The following NPHP4 variants were observed in gnomAD, a reference collection of about 807,000 sequenced individuals.
The protein encoded by NPHP4 is nephrocystin-4.
In NPHP4, 151 loss-of-function variants were observed where a neutral mutation model predicts 155.8. The ratio of observed to expected loss-of-function variants is 0.97; its 90% CI spans 0.85 to 1.11. NPHP4 has a LOEUF of 1.11. NPHP4 is among the 50% of genes least tolerant of loss of function. The pLI, the probability that NPHP4 is intolerant of heterozygous loss-of-function variation, is 0.00. For missense variants in NPHP4, 1,956 were observed against 1,925.7 expected (o/e 1.02, Z -0.29); for synonymous variants, 845 against 816.8 (o/e 1.03, Z -0.59).
At chr1:5,916,424 G>A (rs1181577457) in intron 11 of NPHP4, among the ~76,000 whole-genome samples, 1 of 152,192 alleles carries the variant, frequency 6.6e-6, no homozygotes, top group Non-Finnish European at 1.5e-5. Context: ...GTTTTGAGAG[G>A]CAATGTCTTC....
chr1:5,976,340 C>A (rs993954526), intron 3 of NPHP4, among the ~76,000 whole-genome samples: 1 of 152,150 alleles, frequency 6.6e-6, no homozygotes, highest in African/African-American at 2.4e-5. Flanking sequence ...TGCCTGGCCA[C>A]GGGAAGCGCC....
At chr1:5,900,185 C>T (rs781489074) in intron 16 of NPHP4, among the ~76,000 whole-genome samples, 17 of 152,212 alleles carry the variant, frequency 1.1e-4, no homozygotes, top group African/African-American at 3.1e-4. Context: ...ACTCTTACCA[C>T]GTGATCCAGC....
chr1:5,990,456 A>AAG, intron 1 of NPHP4, among the ~76,000 whole-genome samples: 1 of 152,242 alleles, frequency 6.6e-6, no homozygotes, highest in East Asian at 1.9e-4. Context: ...GGAAAAAAAA[A>AAG]AAGAAGAAGA....
At chr1:5,948,755 G>A (rs1471825968) in intron 7 of NPHP4, among the ~76,000 whole-genome samples, 2 of 152,134 alleles carry the variant, frequency 1.3e-5, no homozygotes, top group Admixed American at 6.5e-5. Flanking sequence ...TCTACCCAGA[G>A]ACCTGAGACT....
At chr1:5,884,256 G>A (rs550881855) in intron 18 of NPHP4, among the ~76,000 whole-genome samples, 11 of 152,162 alleles carry the variant, frequency 7.2e-5, no homozygotes, top group African/African-American at 1.7e-4. Context: ...ACCAAAGCCC[G>A]CCACCGCCAA....
rs1289753430 is a variant in NPHP4, at chr1:5,947,170, G to A, written c.1053C>T (p.His351=). 1 of 1,613,964 alleles carries A rather than the reference G, an allele frequency of 6.2e-7. No individual in the cohort carries two copies. The highest frequency in any genetic ancestry group is 8.5e-7 in the Non-Finnish European group (1 of 1,179,868). The change falls in exon 9 of 30, where the codon CAC becomes CAT. Residue 351 remains histidine, a synonymous_variant. Coordinates refer to ENST00000378156, the MANE Select transcript of NPHP4 (RefSeq NM_015102.5). ...SRLRLPEMVG[H]PAFAVIFQLE... Reference sequence around the variant, plus strand: ...GCTGGAAGATGACCGCAAATGCAGGGTGGCCGACCATCTCTGGGAGGCGGA... The same window carrying A: ...GCTGGAAGATGACCGCAAATGCAGGATGGCCGACCATCTCTGGGAGGCGGA...
intron 2 of NPHP4, among the ~76,000 whole-genome samples, chr1:5,980,258 A>T (rs1271075522): frequency 6.6e-6 from 1 of 152,122 alleles, no homozygotes; most frequent in African/African-American, 2.4e-5. Flanking sequence ...TCGTCTTGGG[A>T]GCCCTGAGTA....
chr1:5,988,704 T>C (rs537560406), intron 1 of NPHP4, among the ~76,000 whole-genome samples: 3 of 152,298 alleles, frequency 2.0e-5, no homozygotes, highest in African/African-American at 7.2e-5. Context: ...TCCCGGCATG[T>C]GTGGGAACCG....
At chr1:5,904,421 G>A (rs1364360285) in intron 16 of NPHP4, among the ~76,000 whole-genome samples, 196 bp downstream of exon 16, 4 of 152,172 alleles carry the variant, frequency 2.6e-5, no homozygotes, top group African/African-American at 9.7e-5. Context: ...AATAACCCTG[G>A]CTTGGGGGAG....
chr1:5,894,889 G>A (rs536859774), intron 16 of NPHP4, among the ~76,000 whole-genome samples: 18 of 152,250 alleles, frequency 1.2e-4, no homozygotes, highest in Middle Eastern at 3.4e-3. Flanking sequence ...TCATCTCCTC[G>A]CTCTTGTGGC....
chr1:5,925,764 C>A (rs1366685597), intron 11 of NPHP4, among the ~76,000 whole-genome samples: 1 of 152,090 alleles, frequency 6.6e-6, no homozygotes, highest in Non-Finnish European at 1.5e-5. Flanking sequence ...TACAGGCGCC[C>A]GCCACCACAT....
chr1:5,940,477 G>A (rs145872594), intron 9 of NPHP4, among the ~76,000 whole-genome samples: 4 of 152,116 alleles, frequency 2.6e-5, no homozygotes, highest in East Asian at 3.9e-4. Context: ...CAGGGAAAGG[G>A]GACACAAATC....
chr1:5,957,081 G>A (rs145242592), intron 6 of NPHP4, among the ~76,000 whole-genome samples: 4 of 152,228 alleles, frequency 2.6e-5, no homozygotes, highest in South Asian at 2.1e-4. Flanking sequence ...GAACCCCACC[G>A]TGGCAGAAGT....
chr1:5,888,370 C>T lies in NPHP4; in HGVS notation c.2305-904G>A, dbSNP rs934791692. The T allele has an allele frequency of 2.4e-5, 26 of 1,084,798 alleles. No homozygotes were observed. The African/African-American group carries it at 3.9e-4, about 16-fold the overall frequency. 67.2% of individuals were successfully genotyped at this position (1,084,798 alleles called of 1,614,324 possible). ...CTGGTGCTTCCTCTCACATAAGAAG[C>T]AGTGTGGGAGCAGATGAGGTTCCGG... On this transcript the variant is annotated intron_variant, in intron 17 of 29. Coordinates refer to ENST00000378156, the MANE Select transcript of NPHP4 (RefSeq NM_015102.5).
rs1645047546 is a variant in NPHP4, at chr1:5,909,051, A to C, written c.1503+101T>G. 7 of 1,003,254 alleles carry C rather than the reference A, an allele frequency of 7.0e-6. No individual in the cohort carries two copies. In the South Asian group the frequency reaches 9.5e-5, roughly 14 times the overall value. 62.1% of individuals were successfully genotyped at this position (1,003,254 alleles called of 1,614,324 possible). On this transcript the variant is annotated intron_variant, in intron 12 of 29. Transcript: ENST00000378156. ...CAGCAGGCCCTCCCCAGCCACGCAGAAGCACGCAGGGATCCACTGTGCTTA... is the reference window on the plus strand; with the variant it reads ...CAGCAGGCCCTCCCCAGCCACGCAGCAGCACGCAGGGATCCACTGTGCTTA...
At chr1:5,951,372 A>G (rs78992379) in intron 7 of NPHP4, among the ~76,000 whole-genome samples, 4,633 of 152,316 alleles carry the variant, frequency 0.03, 80 homozygotes, top group African/African-American at 0.047. Flanking sequence ...CTCTGCAATT[A>G]AAGTTTCTTT....
At chr1:5,918,755 T>A (rs948236560) in intron 11 of NPHP4, among the ~76,000 whole-genome samples, 1 of 151,960 alleles carries the variant, frequency 6.6e-6, no homozygotes, top group Non-Finnish European at 1.5e-5. Flanking sequence ...AAATTGGCCA[T>A]TTTTTTTAGA....
At chr1:5,877,816 C>A (rs549556820) in intron 19 of NPHP4, among the ~76,000 whole-genome samples, 1 of 152,214 alleles carries the variant, frequency 6.6e-6, no homozygotes, top group African/African-American at 2.4e-5. Context: ...GACTGCCTGG[C>A]CCCCAGGACA....
intron 3 of NPHP4, among the ~76,000 whole-genome samples, chr1:5,974,274 G>A (rs1365476440): frequency 1.3e-5 from 2 of 152,166 alleles, no homozygotes; most frequent in Admixed American, 1.3e-4. Context: ...GCGACACTGG[G>A]GCTGGTGCGC....
Sources: gnomAD v4.1 joint callset for allele counts (sites outside exome capture counted in the v4.1 genomes callset) on GRCh38, gnomAD v4.1.1 for gene constraint, MANE v1.5 for transcripts, NCBI Gene and HGNC (gene_info 2026-07-23, HGNC 2026-07-21) for gene names.